The following NELL2 variants were observed in gnomAD, a reference collection of about 807,000 sequenced individuals.
NELL2 encodes the protein neural EGFL like 2, also known as protein kinase C-binding protein NELL2.
NELL2 carries 41 observed loss-of-function variants against 109.6 expected under a neutral mutation model. That is an observed-to-expected ratio of 0.37 (90% CI 0.29 to 0.49). The LOEUF (loss-of-function observed/expected upper bound fraction) is 0.49, where lower values mean the gene tolerates loss of function less well. NELL2 is among the 20% of genes least tolerant of loss of function. The probability of loss-of-function intolerance (pLI) is 0.98; values close to 1 mark genes in which losing one functional copy is unlikely to be tolerated. For synonymous variants in NELL2, 355 were observed against 344.7 expected (o/e 1.03, Z -0.33); for missense variants, 900 against 1,008.3 (o/e 0.89, Z 1.45).
At chr12:44,528,993 T>C (rs546910648) in intron 16 of NELL2, among the ~76,000 whole-genome samples, 2 of 152,248 alleles carry the variant, frequency 1.3e-5, no homozygotes, top group East Asian at 3.9e-4. Context: ...ATGGTCAGGG[T>C]TTGCATATTG....
intron 16 of NELL2, among the ~76,000 whole-genome samples, chr12:44,524,866 T>C (rs1186521732): frequency 6.6e-6 from 1 of 152,186 alleles, no homozygotes; most frequent in African/African-American, 2.4e-5. Context: ...TTAAATTAAG[T>C]ACTATGGTTA....
intron 2 of NELL2, among the ~76,000 whole-genome samples, chr12:44,821,044 A>AACAC (rs1235759951): frequency 3.5e-5 from 2 of 56,402 alleles, no homozygotes; most frequent in East Asian, 8.8e-4. Context: ...AAGCTTTATA[A>AACAC]ATACACACAC....
At chr12:44,784,407 A>G (rs965922646) in intron 3 of NELL2, among the ~76,000 whole-genome samples, 1 of 152,064 alleles carries the variant, frequency 6.6e-6, no homozygotes, top group Non-Finnish European at 1.5e-5. Flanking sequence ...TAGAAAGTCA[A>G]TCTTGGCAGA....
chr12:44,537,662 T>G (rs916142580), intron 15 of NELL2, among the ~76,000 whole-genome samples: 4 of 152,196 alleles, frequency 2.6e-5, no homozygotes, highest in Admixed American at 6.5e-5. Context: ...GAACTCTTGA[T>G]TACCCACATG....
At chr12:44,589,337 A>C (rs566559797) in intron 15 of NELL2, among the ~76,000 whole-genome samples, 1 of 151,866 alleles carries the variant, frequency 6.6e-6, no homozygotes, top group African/African-American at 2.4e-5. Flanking sequence ...GACAGTGATG[A>C]AAAAAATTTG....
intron 15 of NELL2, among the ~76,000 whole-genome samples, chr12:44,580,037 T>G (rs1190164498): frequency 2.6e-5 from 4 of 152,122 alleles, no homozygotes; most frequent in African/African-American, 4.8e-5. Flanking sequence ...AAGCAAAAAA[T>G]ACGTGTTTCA....
At chr12:44,820,118 T>C (rs2136695075) in intron 2 of NELL2, among the ~76,000 whole-genome samples, 1 of 152,294 alleles carries the variant, frequency 6.6e-6, no homozygotes, top group South Asian at 2.1e-4. Flanking sequence ...TATCACAGTT[T>C]TCGGTTCTCT....
chr12:44,791,087 A>ATATATATATATGTATATATATATATGTG (rs1942378067), intron 3 of NELL2, among the ~76,000 whole-genome samples: 2 of 25,330 alleles, frequency 7.9e-5, no homozygotes, highest in Admixed American at 1.7e-3. Flanking sequence ...ATATACATAT[A>ATATATATATATGTATATATATATATGTG]TATATATATG....
chr12:44,673,220 T>A (rs1948202425), intron 12 of NELL2, among the ~76,000 whole-genome samples: 1 of 152,204 alleles, frequency 6.6e-6, no homozygotes, highest in Non-Finnish European at 1.5e-5. Context: ...TAAAAGTCAT[T>A]TCCATTTACA....
In NELL2 at chr12:44,646,067, CT is replaced by C. The variant is rs540712859; in HGVS notation, c.1444+19416del. Reference sequence around the variant, plus strand: ...GATTATAAAGTCTGCAAGGGTATGTCTTTTTTTTTTATCCTCCATAGCATCA... The same window carrying C: ...GATTATAAAGTCTGCAAGGGTATGTCTTTTTTTTTATCCTCCATAGCATCA... On this transcript the variant is annotated intron_variant, in intron 13 of 19. Coordinates refer to ENST00000429094, the MANE Select transcript of NELL2 (RefSeq NM_001145108.2). Among the ~76,000 whole-genome samples the C allele has an allele frequency of 3.3e-3, 486 of 148,944 alleles. 2 individuals are homozygous for C. Among genetic ancestry groups the C allele is most frequent in the South Asian group, 8.8e-3 (41 of 4,648 alleles).
At chr12:44,744,939 C>T (rs1031151350) in intron 9 of NELL2, among the ~76,000 whole-genome samples, 1 of 152,130 alleles carries the variant, frequency 6.6e-6, no homozygotes, top group South Asian at 2.1e-4. Flanking sequence ...GGGAATCCTC[C>T]CTAACTCATT....
chr12:44,754,781 AT>A (rs1340109531), intron 9 of NELL2, among the ~76,000 whole-genome samples: 2 of 152,246 alleles, frequency 1.3e-5, no homozygotes, highest in Non-Finnish European at 2.9e-5. Context: ...CTTTGTGCAA[AT>A]AATAACCTAT....
chr12:44,774,570 T>C (rs938414338), intron 9 of NELL2, 177 bp downstream of exon 9: 1 of 597,212 alleles, frequency 1.7e-6, no homozygotes. Context: ...AATAGGGGCA[T>C]AGCATTTTAA....
chr12:44,882,907 C>G (rs960105048), intron 1 of NELL2, among the ~76,000 whole-genome samples: 1 of 136,366 alleles, frequency 7.3e-6, no homozygotes. Context: ...GTGGTGCAGT[C>G]TCAACTCACT....
At chr12:44,656,399 C>A (rs11615822) in intron 13 of NELL2, among the ~76,000 whole-genome samples, 24,574 of 152,064 alleles carry the variant, frequency 0.16, 2,059 homozygotes, top group East Asian at 0.21. Flanking sequence ...TGCTCCAACA[C>A]AGCTATCTCA....
At chr12:44,898,917 C>T (rs997317113) in intron 1 of NELL2, among the ~76,000 whole-genome samples, 7 of 151,958 alleles carry the variant, frequency 4.6e-5, no homozygotes, top group Admixed American at 3.9e-4. Context: ...ACATAAATGA[C>T]CTAATGGAGC....
At chr12:44,751,490 T>C (rs1035195720) in intron 9 of NELL2, among the ~76,000 whole-genome samples, 11 of 152,198 alleles carry the variant, frequency 7.2e-5, no homozygotes, top group Admixed American at 3.3e-4. Context: ...AATTTGTGTA[T>C]GTATTACATT....
At chr12:44,739,018 G>C (rs1001236682) in intron 9 of NELL2, among the ~76,000 whole-genome samples, 1 of 152,094 alleles carries the variant, frequency 6.6e-6, no homozygotes, top group African/African-American at 2.4e-5. Context: ...TTTCTAGAAT[G>C]ATTTCCTCCA....
intron 2 of NELL2, among the ~76,000 whole-genome samples, chr12:44,838,142 G>T (rs1279554383): frequency 1.3e-5 from 2 of 152,062 alleles, no homozygotes; most frequent in African/African-American, 4.8e-5. Flanking sequence ...AGTCTAGGGG[G>T]TTTAATTTCA....
Sources: allele counts gnomAD v4.1 joint callset (sites outside exome capture counted in the v4.1 genomes callset), GRCh38; gene constraint gnomAD v4.1.1; transcripts MANE v1.5; gene names NCBI Gene and HGNC (gene_info 2026-07-23, HGNC 2026-07-21).